FCHSD2: variants seen among roughly 807,000 people sequenced by gnomAD.
FCHSD2 encodes F-BAR and double SH3 domains protein 2.
A neutral mutation model predicts 108.1 loss-of-function variants in FCHSD2; 38 were observed. That is an observed-to-expected ratio of 0.35 (90% CI 0.27 to 0.46). The LOEUF is 0.46. Ranked by LOEUF, FCHSD2 falls within the 20% of genes least tolerant of loss-of-function variation. FCHSD2 has a pLI of 1.00. For missense variants in FCHSD2, 751 were observed against 897.8 expected (o/e 0.84, Z 2.09); for synonymous variants, 279 against 314.7 (o/e 0.89, Z 1.20).
chr11:73,138,752 C>T (rs549063034), intron 2 of FCHSD2, among the ~76,000 whole-genome samples: 5 of 151,822 alleles, frequency 3.3e-5, no homozygotes, highest in East Asian at 1.9e-4. Context: ...GGACTACAGG[C>T]GCACGCCACC....
intron 8 of FCHSD2, among the ~76,000 whole-genome samples, chr11:72,955,524 T>C (rs1856696268): frequency 6.6e-6 from 1 of 152,086 alleles, no homozygotes; most frequent in Non-Finnish European, 1.5e-5. Context: ...CTCTCTGAAG[T>C]AGGTGGGTGG....
At chr11:73,030,996 T>C (rs1364440333) in intron 3 of FCHSD2, among the ~76,000 whole-genome samples, 1 of 151,842 alleles carries the variant, frequency 6.6e-6, no homozygotes, top group African/African-American at 2.4e-5. Context: ...CACACACACA[T>C]TGACGCACAC....
intron 3 of FCHSD2, among the ~76,000 whole-genome samples, chr11:73,038,820 C>T (rs1399713099): frequency 2.6e-5 from 4 of 152,034 alleles, no homozygotes; most frequent in Non-Finnish European, 4.4e-5. Context: ...CAAACCTGTA[C>T]ATGTATTCCC....
In FCHSD2 at chr11:72,899,076, AAAG is replaced by A. The variant is rs1466109395; in HGVS notation, c.924+3464_924+3466del. On this transcript the variant is annotated intron_variant, in intron 10 of 19. Coordinates refer to ENST00000409418, the MANE Select transcript of FCHSD2 (RefSeq NM_014824.3). ...CTTAACTTTAGTTTCCTCAACTGTA[AAAG>A]AAGGATTAAAAATAGCACCTACAAT... 3.9e-5 allele frequency among the ~76,000 whole-genome samples: 6 copies of A among 152,308 alleles called. No individual in the cohort carries two copies. In the East Asian group the frequency reaches 1.2e-3, roughly 29 times the overall value.
intron 9 of FCHSD2, among the ~76,000 whole-genome samples, chr11:72,912,249 T>C (rs2063360991): frequency 6.6e-6 from 1 of 152,232 alleles, no homozygotes; most frequent in Non-Finnish European, 1.5e-5. Context: ...CATTCAGTTT[T>C]TCTCCATTCA....
chr11:72,931,617 T>C (rs1190863124), intron 8 of FCHSD2, among the ~76,000 whole-genome samples: 1 of 151,458 alleles, frequency 6.6e-6, no homozygotes, highest in African/African-American at 2.4e-5. Flanking sequence ...ATACAAAAAT[T>C]AGCCGGGCGC....
chr11:73,076,283 A>G (rs1014205571), intron 3 of FCHSD2, among the ~76,000 whole-genome samples: 29 of 152,330 alleles, frequency 1.9e-4, no homozygotes, highest in African/African-American at 7.0e-4. Context: ...GGAAAATGGG[A>G]AGCAATCTAA....
At chr11:73,103,164 G>C (rs1860262738) in intron 2 of FCHSD2, among the ~76,000 whole-genome samples, 1 of 152,168 alleles carries the variant, frequency 6.6e-6, no homozygotes, top group Non-Finnish European at 1.5e-5. Flanking sequence ...ATTGAGTGTA[G>C]TAGTGTTTAG....
intron 16 of FCHSD2, 73 bp downstream of exon 16, chr11:72,843,078 G>A: frequency 6.9e-7 from 1 of 1,439,700 alleles, no homozygotes; most frequent in Non-Finnish European, 9.7e-7. Context: ...TTATCCTACT[G>A]AAGGCTTACT....
At chr11:72,961,918 A>T (rs1249211421) in intron 8 of FCHSD2, among the ~76,000 whole-genome samples, 2 of 152,214 alleles carry the variant, frequency 1.3e-5, no homozygotes, top group Non-Finnish European at 2.9e-5. Flanking sequence ...TTTCGTAACA[A>T]GAAAGCTCTT....
intron 3 of FCHSD2, among the ~76,000 whole-genome samples, chr11:73,070,569 G>A (rs910748170): frequency 4.0e-5 from 6 of 151,808 alleles, no homozygotes; most frequent in South Asian, 4.2e-4. Context: ...TATTACAGGC[G>A]CCTGCCACCA....
At chr11:73,071,679 G>A (rs577958549) in intron 3 of FCHSD2, among the ~76,000 whole-genome samples, 129 of 152,046 alleles carry the variant, frequency 8.5e-4, no homozygotes, top group Non-Finnish European at 1.5e-3. Flanking sequence ...CCAGCCTGGC[G>A]ACAGAATGAG....
intron 13 of FCHSD2, 117 bp from the exon 14 acceptor site, chr11:72,850,006 T>G: frequency 1.5e-6 from 1 of 666,418 alleles, no homozygotes. Context: ...TAACTCTGCA[T>G]AGAAATGACT....
At chr11:73,024,111 A>G (rs191191035) in intron 3 of FCHSD2, among the ~76,000 whole-genome samples, 34 of 152,308 alleles carry the variant, frequency 2.2e-4, no homozygotes, top group South Asian at 6.2e-4. Context: ...AACTTTGACA[A>G]TACCCACAGA....
chr11:73,013,965 C>A (rs1025550287), intron 4 of FCHSD2, among the ~76,000 whole-genome samples: 1 of 152,068 alleles, frequency 6.6e-6, no homozygotes, highest in South Asian at 2.1e-4. Flanking sequence ...TCTTCTTAGG[C>A]TGATTTCCTT....
intron 8 of FCHSD2, among the ~76,000 whole-genome samples, chr11:72,957,733 T>C (rs552077555): frequency 3.3e-5 from 5 of 152,024 alleles, no homozygotes; most frequent in African/African-American, 9.7e-5. Flanking sequence ...TTCTGGAGTA[T>C]TGAGAGGTGA....
At chr11:72,885,469 T>C (rs949780311) in intron 12 of FCHSD2, among the ~76,000 whole-genome samples, 1 of 152,176 alleles carries the variant, frequency 6.6e-6, no homozygotes. Context: ...TAGTTTGGCA[T>C]ACTATGGAAA....
chr11:72,936,379 CT>C (rs1385549700), intron 8 of FCHSD2, among the ~76,000 whole-genome samples: 8 of 152,182 alleles, frequency 5.3e-5, no homozygotes, highest in Non-Finnish European at 1.2e-4. Context: ...CTTAAGAGGT[CT>C]GTTAAATCAA....
chr11:72,965,554 A>AT (rs1374518405), intron 8 of FCHSD2, among the ~76,000 whole-genome samples: 2 of 152,150 alleles, frequency 1.3e-5, no homozygotes, highest in Non-Finnish European at 2.9e-5. Flanking sequence ...TTAAAACTCA[A>AT]TATTTTCATG....
Sources: gnomAD v4.1 joint callset for allele counts (sites outside exome capture counted in the v4.1 genomes callset) on GRCh38, gnomAD v4.1.1 for gene constraint, MANE v1.5 for transcripts, NCBI Gene and HGNC (gene_info 2026-07-23, HGNC 2026-07-21) for gene names.